Variants in TUFT1 observed in about 807,000 individuals in gnomAD.
The protein encoded by TUFT1 is tuftelin.
Under a neutral mutation model 57.8 loss-of-function variants are expected in TUFT1, and 43 were observed. That is an observed-to-expected ratio of 0.74 (90% CI 0.58 to 0.96). The LOEUF is 0.96. Ranked by LOEUF, TUFT1 falls within the 40% of genes least tolerant of loss-of-function variation. The pLI is 0.00. For missense variants in TUFT1, 459 were observed against 489.0 expected, an observed-to-expected ratio of 0.94 and a Z score of 0.58; for synonymous variants, 166 against 176.7, an observed-to-expected ratio of 0.94 and a Z score of 0.48.
intron 1 of TUFT1, among the ~76,000 whole-genome samples, chr1:151,559,136 G>A (rs536110609): frequency 6.6e-6 from 1 of 152,298 alleles, no homozygotes; most frequent in South Asian, 2.1e-4. Context: ...GAAGAATTTG[G>A]CAGCCATTCT....
chr1:151,562,707 A>G lies in TUFT1; in HGVS notation c.237+21A>G, dbSNP rs373727214. 1.4e-5 allele frequency: 23 copies of G among 1,593,010 alleles called. 1 individual carries two copies. In the African/African-American group the frequency reaches 2.3e-4, roughly 16 times the overall value. ...TTAAGGTAAGCTTAGTTCACCTCCAACTTTTCTCCCTGTCCTCTTCCTCCC... is the reference window on the plus strand; with the variant it reads ...TTAAGGTAAGCTTAGTTCACCTCCAGCTTTTCTCCCTGTCCTCTTCCTCCC... On this transcript the variant is annotated intron_variant, in intron 3 of 12. Transcript: ENST00000368849.
chr1:151,562,544 A>ATCTCTCTC (rs34211422), intron 2 of TUFT1, 41 bp from the exon 3 acceptor site: 24 of 1,397,968 alleles, frequency 1.7e-5, no homozygotes, highest in African/African-American at 2.9e-5. Context: ...TGTCTGAGCC[A>ATCTCTCTC]TCTCTCTCTC....
chr1:151,556,634 C>A (rs1665708751), intron 1 of TUFT1, among the ~76,000 whole-genome samples: 1 of 152,120 alleles, frequency 6.6e-6, no homozygotes, highest in Non-Finnish European at 1.5e-5. Context: ...TGGTCTCAAG[C>A]TCCTGGCCTC....
chr1:151,566,336 A>G, intron 6 of TUFT1, 108 bp downstream of exon 6: 1 of 858,812 alleles, frequency 1.2e-6, no homozygotes, highest in Non-Finnish European at 1.8e-6. Context: ...CTCATTAAAT[A>G]CAAGAGTAGT....
At position 151,575,750 on chromosome 1, in the gene TUFT1, G is replaced by A. The variant is rs115774562; in HGVS notation, c.818+745G>A. 6.4e-3 allele frequency among the ~76,000 whole-genome samples: 968 copies of A among 152,288 alleles called. 8 individuals carry two copies. The highest frequency in any genetic ancestry group is 0.011 in the Non-Finnish European group (744 of 68,030). Reference sequence around the variant, plus strand: ...GGTTTGATCTTCATTGTGTAAGGTGGACCTTTTTTAGTTCAACAAGACATT... The same window carrying A: ...GGTTTGATCTTCATTGTGTAAGGTGAACCTTTTTTAGTTCAACAAGACATT... On this transcript the variant is annotated intron_variant, in intron 9 of 12. Coordinates refer to ENST00000368849, the MANE Select transcript of TUFT1 (RefSeq NM_020127.3).
intron 1 of TUFT1, among the ~76,000 whole-genome samples, chr1:151,555,520 T>C (rs949319976): frequency 1.3e-5 from 2 of 151,096 alleles, no homozygotes; most frequent in Non-Finnish European, 2.9e-5. Flanking sequence ...GGCTCACACC[T>C]GTAATCCAAG....
chr1:151,575,281 G>A (rs1183234257), intron 9 of TUFT1, among the ~76,000 whole-genome samples: 1 of 152,222 alleles, frequency 6.6e-6, no homozygotes, highest in East Asian at 1.9e-4. Context: ...AGCAAGAGCT[G>A]GTGGAGCATC....
intron 12 of TUFT1, 30 bp downstream of exon 12, chr1:151,581,072 C>A (rs370344698): frequency 2.1e-4 from 331 of 1,594,146 alleles, no homozygotes; most frequent in Non-Finnish European, 2.8e-4. Context: ...TAGAATGGGG[C>A]CAGGGAGGAG....
At chr1:151,571,982 G>A (rs1666263849) in intron 7 of TUFT1, among the ~76,000 whole-genome samples, 1 of 151,932 alleles carries the variant, frequency 6.6e-6, no homozygotes, top group Non-Finnish European at 1.5e-5. Context: ...CAAGGCAGGA[G>A]GATCCTTGAG....
chr1:151,565,033 T>C (rs898185549), intron 5 of TUFT1: 4 of 156,722 alleles, frequency 2.6e-5, no homozygotes, highest in African/African-American at 9.6e-5. Context: ...TAGCGTAAAT[T>C]GAAGTCCGTG....
chr1:151,555,752 G>T (rs1366647393), intron 1 of TUFT1, among the ~76,000 whole-genome samples: 1 of 149,176 alleles, frequency 6.7e-6, no homozygotes, highest in Non-Finnish European at 1.5e-5. Context: ...ACTCCAGCCT[G>T]GGTGACAAGG....
At chr1:151,559,779 C>T (rs1227410800) in intron 1 of TUFT1, among the ~76,000 whole-genome samples, 4 of 151,972 alleles carry the variant, frequency 2.6e-5, no homozygotes, top group Non-Finnish European at 4.4e-5. Flanking sequence ...AGAGAGTAAC[C>T]TCCATACATT....
At position 151,580,613 on chromosome 1, in the gene TUFT1, AAT is replaced by A. The variant is rs1666616620; in HGVS notation, c.1009-328_1009-327del. Among the ~76,000 whole-genome samples the A allele has an allele frequency of 2.0e-5, 3 of 150,332 alleles. No individual in the cohort carries two copies. In the South Asian group the frequency reaches 6.4e-4, roughly 32 times the overall value. On this transcript the variant is annotated intron_variant, in intron 11 of 12. Transcript: ENST00000368849. ...GGAGGTCGAGGCTGCAGTGAGCTATAATCACGCCACTGCACTCCAGCCTGGGC... is the reference window on the plus strand; with the variant it reads ...GGAGGTCGAGGCTGCAGTGAGCTATACACGCCACTGCACTCCAGCCTGGGC...
At chr1:151,541,800 A>G (rs1665176950) in intron 1 of TUFT1, among the ~76,000 whole-genome samples, 1 of 152,206 alleles carries the variant, frequency 6.6e-6, no homozygotes, top group African/African-American at 2.4e-5. Context: ...AAGAGATGGA[A>G]GAAATCTATC....
intron 6 of TUFT1, 109 bp downstream of exon 6, chr1:151,566,337 C>A: frequency 2.4e-6 from 2 of 848,556 alleles, no homozygotes; most frequent in Non-Finnish European, 3.7e-6. Flanking sequence ...TCATTAAATA[C>A]AAGAGTAGTA....
intron 6 of TUFT1, among the ~76,000 whole-genome samples, chr1:151,566,641 T>C (rs578049771): frequency 7.2e-5 from 11 of 152,296 alleles, no homozygotes; most frequent in African/African-American, 1.2e-4. Flanking sequence ...AGTGCCAGTA[T>C]TCTAGAATAT....
chr1:151,561,652 A>G, intron 1 of TUFT1: 1 of 1,200,382 alleles, frequency 8.3e-7, no homozygotes, highest in Non-Finnish European at 1.1e-6. Flanking sequence ...ACTTTCCTAT[A>G]GTTTAGTTCA....
Position 151,562,490 on chromosome 1 carries a change from T to C in TUFT1, c.136-95T>C, listed in dbSNP as rs1665927371. The C allele has an allele frequency of 2.8e-6, 3 of 1,088,344 alleles. No individual in the cohort carries two copies. The East Asian group carries it at 7.4e-5, about 27-fold the overall frequency. 67.4% of individuals were successfully genotyped at this position (1,088,344 alleles called of 1,614,324 possible). A position where few individuals can be genotyped will look rare whatever the true frequency, so the allele number is the denominator to read the frequency against. ...CTTCAAGTCTTTTGAGAAACAGGTCTTCTGCATTAGCTGAGGGGCAGGAGT... is the reference window on the plus strand; with the variant it reads ...CTTCAAGTCTTTTGAGAAACAGGTCCTCTGCATTAGCTGAGGGGCAGGAGT... On this transcript the variant is annotated intron_variant, in intron 2 of 12. Coordinates refer to ENST00000368849, the MANE Select transcript of TUFT1 (RefSeq NM_020127.3).
chr1:151,545,872 G>C (rs773332729), intron 1 of TUFT1: 18 of 533,240 alleles, frequency 3.4e-5, no homozygotes, highest in Non-Finnish European at 6.6e-5. Context: ...TCATATTTTG[G>C]CATCTCTCTC....
Sources: allele counts gnomAD v4.1 joint callset (sites outside exome capture counted in the v4.1 genomes callset), GRCh38; gene constraint gnomAD v4.1.1; transcripts MANE v1.5; gene names NCBI Gene and HGNC (gene_info 2026-07-23, HGNC 2026-07-21).